TXNRD1: variants seen among roughly 807,000 people sequenced by gnomAD.
TXNRD1 encodes the protein thioredoxin reductase 1, cytoplasmic.
TXNRD1 carries 57 observed loss-of-function variants against 80.3 expected under a neutral mutation model. The observed-to-expected ratio is 0.71, with a 90% CI of 0.57 to 0.89. The LOEUF (loss-of-function observed/expected upper bound fraction) is 0.89, where lower values mean the gene tolerates loss of function less well. TXNRD1 is among the 40% of genes least tolerant of loss of function. The pLI is 0.00. For missense variants in TXNRD1, 730 were observed against 803.0 expected (o/e 0.91, Z 1.10); for synonymous variants, 291 against 285.2 (o/e 1.02, Z -0.20).
intron 3 of TXNRD1, chr12:104,265,646 TG>T: frequency 6.2e-7 from 1 of 1,606,986 alleles, no homozygotes; most frequent in South Asian, 1.1e-5. Flanking sequence ...TACCGAGACA[TG>T]GGTGCCCGGC....
intron 4 of TXNRD1, among the ~76,000 whole-genome samples, chr12:104,290,553 G>A (rs1019683483): frequency 6.6e-6 from 1 of 151,180 alleles, no homozygotes. Context: ...ATTAGCCAGG[G>A]CTTGGTGGCA....
At chr12:104,278,438 A>G (rs1423522520) in intron 3 of TXNRD1, among the ~76,000 whole-genome samples, 1 of 149,416 alleles carries the variant, frequency 6.7e-6, no homozygotes, top group Non-Finnish European at 1.5e-5. Context: ...TGACCTCGTG[A>G]TCCGCCCGCC....
At chr12:104,260,687 C>G (rs1303908081) in intron 3 of TXNRD1, among the ~76,000 whole-genome samples, 1 of 152,100 alleles carries the variant, frequency 6.6e-6, no homozygotes, top group Non-Finnish European at 1.5e-5. Context: ...GAAAGGTAAT[C>G]TCAATAAATA....
At chr12:104,270,258 C>A (rs1322116249) in intron 3 of TXNRD1, among the ~76,000 whole-genome samples, 1 of 152,212 alleles carries the variant, frequency 6.6e-6, no homozygotes, top group Non-Finnish European at 1.5e-5. Flanking sequence ...GAATCACTGT[C>A]TATGGCAGCT....
Position 104,297,102 on chromosome 12 carries a change from G to C in TXNRD1, c.414+8062G>C, listed in dbSNP as rs375814542. On this transcript the variant is annotated intron_variant, in intron 4 of 16. Coordinates refer to ENST00000525566, the MANE Select transcript of TXNRD1 (RefSeq NM_001093771.3). ...GTGGATCACTTGAGGTCAGGAGTTT[G>C]AGACTGACCTGGCCAACATGGTGAA... Among the ~76,000 whole-genome samples, 64 of 152,146 alleles carry C rather than the reference G, an allele frequency of 4.2e-4. 2 individuals are homozygous for C. The East Asian group carries it at 9.7e-3, about 23-fold the overall frequency.
intron 1 of TXNRD1, among the ~76,000 whole-genome samples, chr12:104,245,517 CAAAAAAAAAAAAA>C (rs10622971): frequency 6.2e-4 from 18 of 29,264 alleles, no homozygotes; most frequent in Non-Finnish European, 8.1e-4. Context: ...AACTCCATCT[CAAAAAAAAAAAAA>C]AAAAAAAAAA....
intron 3 of TXNRD1, chr12:104,287,256 C>T: frequency 2.5e-6 from 4 of 1,613,840 alleles, no homozygotes; most frequent in Middle Eastern, 1.7e-4. Context: ...TAAGGCGTGT[C>T]TGAGCAGACG....
At chr12:104,258,208 T>G (rs1379741425) in intron 3 of TXNRD1, 129 bp downstream of exon 3, 4 of 684,666 alleles carry the variant, frequency 5.8e-6, no homozygotes, top group Non-Finnish European at 4.8e-6. Flanking sequence ...CTGATTCTTC[T>G]TTTTGGTCTT....
At chr12:104,319,623 T>C (rs2035459141) in intron 9 of TXNRD1, 38 bp downstream of exon 9, 1 of 1,428,572 alleles carries the variant, frequency 7.0e-7, no homozygotes, top group Non-Finnish European at 9.6e-7. Flanking sequence ...AAAAACCCAT[T>C]GTGGATATTG....
chr12:104,272,828 A>G (rs1024230840), intron 3 of TXNRD1, among the ~76,000 whole-genome samples: 1 of 151,882 alleles, frequency 6.6e-6, no homozygotes, highest in African/African-American at 2.4e-5. Flanking sequence ...GTAGAAGGCA[A>G]AGAATTGAAC....
chr12:104,299,353 A>G, intron 4 of TXNRD1, among the ~76,000 whole-genome samples: 1 of 152,116 alleles, frequency 6.6e-6, no homozygotes. Context: ...TGGTCTTTTC[A>G]GAAACTAATT....
chr12:104,348,985 C>T lies in TXNRD1; in HGVS notation c.*564C>T, dbSNP rs928077116. On this transcript the variant is annotated 3_prime_UTR_variant, in exon 17 of 17. Coordinates refer to ENST00000525566, the MANE Select transcript of TXNRD1 (RefSeq NM_001093771.3). ...TGTCCTGCAGCTGAAATGGACTGTT[C>T]TTTACTGACCTGCTCAGCAGTTTCT... The T allele has an allele frequency of 6.5e-6, 1 of 153,138 alleles. No individual in the cohort carries two copies. The highest frequency in any genetic ancestry group is 2.4e-5 in the African/African-American group (1 of 41,452). The allele number at this position is 153,138 out of a possible 1,614,324, so 9.5% of individuals were successfully genotyped here.
At chr12:104,321,984 A>C (rs1027797983) in intron 10 of TXNRD1, among the ~76,000 whole-genome samples, 1 of 151,832 alleles carries the variant, frequency 6.6e-6, no homozygotes, top group African/African-American at 2.4e-5. Flanking sequence ...AAAGTTAAGG[A>C]ATTATAGTTG....
At chr12:104,303,986 T>C (rs866723779) in intron 4 of TXNRD1, 2 of 1,608,306 alleles carry the variant, frequency 1.2e-6, no homozygotes, top group Middle Eastern at 3.5e-4. Context: ...CGACCTCAGC[T>C]CTGGGGAGGC....
chr12:104,336,214 C>T (rs1461681206), intron 15 of TXNRD1, among the ~76,000 whole-genome samples: 2 of 152,152 alleles, frequency 1.3e-5, no homozygotes, highest in Non-Finnish European at 1.5e-5. Context: ...CCATTTTAAC[C>T]ATATGTATTT....
chr12:104,254,644 A>AATATATATATATATATATATATAT (rs1178469026), intron 2 of TXNRD1, among the ~76,000 whole-genome samples: 2 of 93,618 alleles, frequency 2.1e-5, no homozygotes, highest in African/African-American at 5.2e-5. Flanking sequence ...AAAAAAAAAA[A>AATATATATATATATATATATATAT]ATATATATAT....
At chr12:104,310,189 TCCCA>T in intron 4 of TXNRD1, 4 of 31,336 alleles carry the variant, frequency 1.3e-4, no homozygotes, top group Non-Finnish European at 9.8e-5. Flanking sequence ...TCTGTGAGAC[TCCCA>T]GGCTGGAGTG....
chr12:104,322,950 GCCTTCC>G (rs2035592293), intron 10 of TXNRD1, among the ~76,000 whole-genome samples: 1 of 138,032 alleles, frequency 7.2e-6, no homozygotes, highest in Non-Finnish European at 1.5e-5. Context: ...GGACCCTGCG[GCCTTCC>G]GCGGTGTTTG....
At chr12:104,309,823 A>G in intron 4 of TXNRD1, 1 of 1,535,054 alleles carries the variant, frequency 6.5e-7, no homozygotes, top group Non-Finnish European at 8.7e-7. Context: ...TGTGTTTACC[A>G]GCCTCTTGTG....
Sources: allele counts gnomAD v4.1 joint callset (sites outside exome capture counted in the v4.1 genomes callset), GRCh38; gene constraint gnomAD v4.1.1; transcripts MANE v1.5; gene names NCBI Gene and HGNC (gene_info 2026-07-23, HGNC 2026-07-21).